Variants in ATP8A1 observed in about 807,000 individuals in gnomAD.
ATP8A1 encodes the protein ATPase phospholipid transporting 8A1.
A neutral mutation model predicts 177.7 loss-of-function variants in ATP8A1; 90 were observed. The ratio of observed to expected loss-of-function variants is 0.51; its 90% CI spans 0.43 to 0.60. The LOEUF (loss-of-function observed/expected upper bound fraction) is 0.60. Ranked by LOEUF, ATP8A1 falls within the 20% of genes least tolerant of loss-of-function variation. The pLI, the probability that ATP8A1 is intolerant of heterozygous loss-of-function variation, is 0.00. For missense variants in ATP8A1, 1,072 were observed against 1,392.8 expected (o/e 0.77, Z 3.67); for synonymous variants, 493 against 485.9 (o/e 1.01, Z -0.19).
chr4:42,450,460 A>G (rs76521137), intron 30 of ATP8A1, among the ~76,000 whole-genome samples: 7,626 of 152,240 alleles, frequency 0.05, 644 homozygotes, highest in African/African-American at 0.17. Flanking sequence ...ACTTTAAAAG[A>G]GTTAACTTTT....
chr4:42,458,640 T>A (rs1007226699), intron 27 of ATP8A1, among the ~76,000 whole-genome samples: 1 of 152,230 alleles, frequency 6.6e-6, no homozygotes, highest in Non-Finnish European at 1.5e-5. Context: ...ATGGAATATC[T>A]AGATAGTGAC....
chr4:42,649,993 A>T lies in ATP8A1; in HGVS notation c.49+6832T>A, dbSNP rs747775441. 2.8e-4 allele frequency among the ~76,000 whole-genome samples: 42 copies of T among 152,176 alleles called. 1 individual carries two copies. The highest frequency in any genetic ancestry group is 5.3e-4 in the Non-Finnish European group (36 of 68,024). Reference sequence around the variant, plus strand: ...GAAGGTTTGGGCTCCTTTCGCTAAGAAGTAAAGAATGAAGGGGAAAGTGGT... The same window carrying T: ...GAAGGTTTGGGCTCCTTTCGCTAAGTAGTAAAGAATGAAGGGGAAAGTGGT... On this transcript the variant is annotated intron_variant, in intron 1 of 36. Coordinates refer to ENST00000381668, the MANE Select transcript of ATP8A1 (RefSeq NM_006095.2).
chr4:42,480,311 T>C (rs1264125981), intron 25 of ATP8A1, among the ~76,000 whole-genome samples: 1 of 152,190 alleles, frequency 6.6e-6, no homozygotes, highest in Admixed American at 6.5e-5. Context: ...AGCAAACTAT[T>C]GGCATTTTAT....
chr4:42,422,034 C>A (rs1391808748), intron 35 of ATP8A1, among the ~76,000 whole-genome samples: 1 of 151,890 alleles, frequency 6.6e-6, no homozygotes, highest in African/African-American at 2.4e-5. Flanking sequence ...AACTACTGAA[C>A]CACAAATGCA....
intron 15 of ATP8A1, among the ~76,000 whole-genome samples, chr4:42,559,758 T>C (rs937606636): frequency 2.6e-5 from 4 of 152,148 alleles, no homozygotes; most frequent in Non-Finnish European, 4.4e-5. Flanking sequence ...TCACTTGGAG[T>C]GCAGTGACAC....
intron 1 of ATP8A1, among the ~76,000 whole-genome samples, chr4:42,656,085 T>G (rs756106936): frequency 1.4e-4 from 22 of 151,744 alleles, no homozygotes; most frequent in Non-Finnish European, 2.6e-4. Flanking sequence ...CGATGAAGAG[T>G]CTGGGCCCTC....
intron 22 of ATP8A1, among the ~76,000 whole-genome samples, chr4:42,518,403 A>T (rs1426429411): frequency 1.3e-5 from 2 of 152,200 alleles, no homozygotes; most frequent in Admixed American, 6.5e-5. Context: ...GTCCACATAC[A>T]AATGTAATAC....
chr4:42,479,236 A>T (rs1721402871), intron 25 of ATP8A1, among the ~76,000 whole-genome samples: 1 of 152,212 alleles, frequency 6.6e-6, no homozygotes, highest in African/African-American at 2.4e-5. Flanking sequence ...TGCAGAGTTG[A>T]GTAGCTGTAA....
At chr4:42,472,094 T>A (rs1720486535) in intron 25 of ATP8A1, 4 of 707,742 alleles carry the variant, frequency 5.7e-6, no homozygotes, top group Non-Finnish European at 1.1e-5. Flanking sequence ...CTGTCTTTAT[T>A]GCTCAGAGGA....
At chr4:42,561,757 GCTCTTCCTC>G (rs1274643105) in intron 15 of ATP8A1, 3 of 152,188 alleles carry the variant, frequency 2.0e-5, no homozygotes, top group Admixed American at 1.3e-4. Flanking sequence ...GAGCTCTGTG[GCTCTTCCTC>G]CTCTTGGAAG....
At chr4:42,439,389 A>G (rs563782809) in intron 33 of ATP8A1, among the ~76,000 whole-genome samples, 2 of 152,354 alleles carry the variant, frequency 1.3e-5, no homozygotes, top group East Asian at 3.9e-4. Flanking sequence ...GTTGGAAATC[A>G]CAAGATGTTG....
At chr4:42,574,386 A>G (rs972754191) in intron 14 of ATP8A1, among the ~76,000 whole-genome samples, 1 of 152,166 alleles carries the variant, frequency 6.6e-6, no homozygotes, top group Non-Finnish European at 1.5e-5. Flanking sequence ...CAGCAACACT[A>G]AACACTGAAA....
At chr4:42,617,564 GAA>G (rs1345715366) in intron 4 of ATP8A1, among the ~76,000 whole-genome samples, 3 of 152,174 alleles carry the variant, frequency 2.0e-5, no homozygotes, top group Non-Finnish European at 4.4e-5. Context: ...AAGAAAATTA[GAA>G]AGTGATCCAA....
At chr4:42,520,222 A>T (rs937836715) in intron 22 of ATP8A1, among the ~76,000 whole-genome samples, 1 of 152,166 alleles carries the variant, frequency 6.6e-6, no homozygotes, top group African/African-American at 2.4e-5. Flanking sequence ...AAACAATTTA[A>T]TATGTTTAGA....
rs80034712 is a variant in ATP8A1 at position 42,451,335 on chromosome 4, G to C, written c.2896+646C>G. ...AGTATTGAAGCAGGCACGCTGAATGGTTGGTGTCTTCCCGAGGATCTCAAG... is the reference window on the plus strand; with the variant it reads ...AGTATTGAAGCAGGCACGCTGAATGCTTGGTGTCTTCCCGAGGATCTCAAG... On this transcript the variant is annotated intron_variant, in intron 30 of 36. Coordinates refer to ENST00000381668, the MANE Select transcript of ATP8A1 (RefSeq NM_006095.2). Among the ~76,000 whole-genome samples, 1,216 of 152,278 alleles carry C rather than the reference G, an allele frequency of 8.0e-3. 17 individuals carry two copies. The highest frequency in any genetic ancestry group is 0.028 in the African/African-American group (1,145 of 41,540).
intron 14 of ATP8A1, among the ~76,000 whole-genome samples, chr4:42,571,106 A>G (rs1234641649): frequency 6.6e-6 from 1 of 152,204 alleles, no homozygotes; most frequent in Admixed American, 6.5e-5. Flanking sequence ...AATTTATCAC[A>G]AGTCATGGTG....
In ATP8A1 at chr4:42,446,101, A is replaced by AAAAAAAAAAAAAAAAAAAC. The variant is rs1560332358; in HGVS notation, c.2958+481_2958+482insGTTTTTTTTTTTTTTTTTT. Among the ~76,000 whole-genome samples, 2 of 102,344 alleles carry AAAAAAAAAAAAAAAAAAAC rather than the reference A, an allele frequency of 2.0e-5. 1 individual carries two copies. The allele number at this position is 102,344 out of a possible 152,430, so 67.1% of individuals were successfully genotyped here. A position where few individuals can be genotyped will look rare whatever the true frequency, so the allele number is the denominator to read the frequency against. On this transcript the variant is annotated intron_variant, in intron 31 of 36. Transcript: ENST00000381668. ...CTCTCAAAAAAAAAAAAAAAAAAAGAGAAGAGATATAGTTTGAAATAAATT... is the reference window on the plus strand; with the variant it reads ...CTCTCAAAAAAAAAAAAAAAAAAAGAAAAAAAAAAAAAAAAAAACGAAGAGATATAGTTTGAAATAAATT...
intron 33 of ATP8A1, 84 bp downstream of exon 33, chr4:42,443,481 A>G (rs1015941842): frequency 1.7e-5 from 11 of 634,380 alleles, no homozygotes; most frequent in Non-Finnish European, 2.9e-5. Flanking sequence ...AACAAGATGG[A>G]AAATTATGCT....
chr4:42,577,281 T>C (rs1732564836), intron 12 of ATP8A1, among the ~76,000 whole-genome samples: 2 of 152,178 alleles, frequency 1.3e-5, no homozygotes, highest in Admixed American at 6.5e-5. Flanking sequence ...TTTGTACATA[T>C]CCTATTACGT....
Sources: gnomAD v4.1 joint callset for allele counts (sites outside exome capture counted in the v4.1 genomes callset) on GRCh38, gnomAD v4.1.1 for gene constraint, MANE v1.5 for transcripts, NCBI Gene and HGNC (gene_info 2026-07-23, HGNC 2026-07-21) for gene names.